TMEM163: variants seen among roughly 807,000 people sequenced by gnomAD.
The protein encoded by TMEM163 is transmembrane protein 163.
In TMEM163, 17 loss-of-function variants were observed where a neutral mutation model predicts 29.3. That is an observed-to-expected ratio of 0.58 (90% CI 0.40 to 0.87). The LOEUF (loss-of-function observed/expected upper bound fraction) is 0.87. Ranked by LOEUF, TMEM163 falls within the 40% of genes least tolerant of loss-of-function variation. The pLI is 0.00. For synonymous variants in TMEM163, 157 were observed against 160.6 expected, an observed-to-expected ratio of 0.98 and a Z score of 0.17; for missense variants, 303 against 381.5, an observed-to-expected ratio of 0.79 and a Z score of 1.71.
intron 2 of TMEM163, among the ~76,000 whole-genome samples, chr2:134,600,212 CAG>C (rs1329765831): frequency 6.6e-6 from 1 of 152,150 alleles, no homozygotes; most frequent in Non-Finnish European, 1.5e-5. Flanking sequence ...ATAAGCAAAA[CAG>C]GGAATTTGAA....
chr2:134,701,207 T>A (rs1313015085), intron 2 of TMEM163, among the ~76,000 whole-genome samples: 29 of 148,504 alleles, frequency 2.0e-4, no homozygotes, highest in Admixed American at 6.7e-4. Flanking sequence ...GAAATCAGAG[T>A]GAATTTAAAA....
At chr2:134,613,669 T>C (rs190816614) in intron 2 of TMEM163, among the ~76,000 whole-genome samples, 26 of 152,030 alleles carry the variant, frequency 1.7e-4, no homozygotes, top group Admixed American at 1.3e-3. Context: ...TCCAGCAAAA[T>C]TGTCCTTCAA....
intron 2 of TMEM163, among the ~76,000 whole-genome samples, chr2:134,657,769 C>T (rs1683653015): frequency 6.6e-6 from 1 of 152,072 alleles, no homozygotes; most frequent in Non-Finnish European, 1.5e-5. Context: ...CGCCATTGCA[C>T]TCCAGCCTAG....
At chr2:134,714,074 C>T (rs923529909) in intron 1 of TMEM163, among the ~76,000 whole-genome samples, 9 of 152,198 alleles carry the variant, frequency 5.9e-5, no homozygotes, top group Non-Finnish European at 1.0e-4. Context: ...ATGCTTTCAA[C>T]ATGGAGAGTC....
At chr2:134,457,676 A>G (rs1686430188) in intron 7 of TMEM163, among the ~76,000 whole-genome samples, 1 of 152,166 alleles carries the variant, frequency 6.6e-6, no homozygotes, top group Non-Finnish European at 1.5e-5. Flanking sequence ...GAGGGGCTCC[A>G]CTTGTGAGGA....
intron 2 of TMEM163, among the ~76,000 whole-genome samples, chr2:134,558,207 T>C (rs1162041387): frequency 6.6e-6 from 1 of 152,136 alleles, no homozygotes; most frequent in Non-Finnish European, 1.5e-5. Flanking sequence ...ACATCAGTGG[T>C]TTGTTAATGG....
intron 2 of TMEM163, among the ~76,000 whole-genome samples, chr2:134,681,388 A>G (rs2104875716): frequency 6.6e-6 from 1 of 152,120 alleles, no homozygotes; most frequent in African/African-American, 2.4e-5. Flanking sequence ...TCCCACACAA[A>G]CCGCATTCCA....
intron 2 of TMEM163, among the ~76,000 whole-genome samples, chr2:134,702,944 A>G (rs1191671965): frequency 2.0e-5 from 3 of 152,260 alleles, no homozygotes; most frequent in Non-Finnish European, 4.4e-5. Context: ...TAGCCACACT[A>G]CAAATGACAA....
intron 4 of TMEM163, among the ~76,000 whole-genome samples, chr2:134,523,784 A>AC (rs1171287092): frequency 6.6e-6 from 1 of 152,136 alleles, no homozygotes. Flanking sequence ...AGTAAGTAAC[A>AC]CTACTCCAGT....
chr2:134,632,803 C>T (rs1682996206), intron 2 of TMEM163, among the ~76,000 whole-genome samples: 1 of 151,072 alleles, frequency 6.6e-6, no homozygotes, highest in Non-Finnish European at 1.5e-5. Flanking sequence ...AGGGCAATGG[C>T]GGGATCTCGG....
chr2:134,615,191 C>G (rs1281102555), intron 2 of TMEM163, among the ~76,000 whole-genome samples: 1 of 152,062 alleles, frequency 6.6e-6, no homozygotes, highest in Non-Finnish European at 1.5e-5. Context: ...CATGTCTAAA[C>G]AAGATGTAGT....
At chr2:134,501,873 G>A (rs1015132585) in intron 5 of TMEM163, among the ~76,000 whole-genome samples, 14 of 152,094 alleles carry the variant, frequency 9.2e-5, no homozygotes, top group African/African-American at 2.9e-4. Flanking sequence ...GAGAGTAAGC[G>A]CTGGCCAACT....
chr2:134,687,199 T>TA (rs1241539546), intron 2 of TMEM163, among the ~76,000 whole-genome samples: 3 of 151,766 alleles, frequency 2.0e-5, no homozygotes, highest in Non-Finnish European at 2.9e-5. Flanking sequence ...AGGAAGAGAG[T>TA]AAAAATCTCC....
chr2:134,565,701 A>T (rs1681287109), intron 2 of TMEM163, among the ~76,000 whole-genome samples: 1 of 152,244 alleles, frequency 6.6e-6, no homozygotes, highest in Admixed American at 6.5e-5. Flanking sequence ...AAAACTGGAA[A>T]CAGCACAAAC....
chr2:134,520,396 G>A (rs573738804), intron 4 of TMEM163, among the ~76,000 whole-genome samples: 4 of 152,292 alleles, frequency 2.6e-5, no homozygotes, highest in East Asian at 3.9e-4. Flanking sequence ...CACAGTCCCC[G>A]GAACCTGTGT....
intron 4 of TMEM163, among the ~76,000 whole-genome samples, chr2:134,503,459 T>A (rs1679745648): frequency 6.6e-6 from 1 of 152,188 alleles, no homozygotes; most frequent in African/African-American, 2.4e-5. Context: ...ATCTTTCAAA[T>A]GGGAATATAT....
rs577742501 is a variant in TMEM163, at chr2:134,628,721, C to T, written c.323-76630G>A. On this transcript the variant is annotated intron_variant, in intron 2 of 7. Transcript: ENST00000281924. ...TCAAGTGGGAGCTTGCACCTGGTTT[C>T]TCTTGACCTCACCCCATGTGCCATG... is the stretch of plus-strand genomic sequence containing the variant. 2.0e-5 allele frequency among the ~76,000 whole-genome samples: 3 copies of T among 152,352 alleles called. No individual in the cohort carries two copies. In the South Asian group the frequency reaches 6.2e-4, roughly 32 times the overall value.
intron 2 of TMEM163, among the ~76,000 whole-genome samples, chr2:134,655,614 G>A (rs1683583902): frequency 7.1e-6 from 1 of 141,594 alleles, no homozygotes; most frequent in African/African-American, 2.9e-5. Flanking sequence ...TTTGGAGGAG[G>A]AGAGGCGCTC....
intron 2 of TMEM163, among the ~76,000 whole-genome samples, chr2:134,660,884 A>C (rs562944386): frequency 1.2e-5 from 1 of 83,006 alleles, no homozygotes; most frequent in African/African-American, 7.0e-5. Flanking sequence ...AGCTCTGAGG[A>C]AAGGTTTCAC....
Sources: gnomAD v4.1 joint callset for allele counts (sites outside exome capture counted in the v4.1 genomes callset) on GRCh38, gnomAD v4.1.1 for gene constraint, MANE v1.5 for transcripts, NCBI Gene and HGNC (gene_info 2026-07-23, HGNC 2026-07-21) for gene names.